The following CSMD1 variants were observed in gnomAD, a reference collection of about 807,000 sequenced individuals.
The protein encoded by CSMD1 is CUB and Sushi multiple domains 1, also known as CUB and sushi domain-containing protein 1.
A neutral mutation model predicts 417.5 loss-of-function variants in CSMD1; 213 were observed. That is an observed-to-expected ratio of 0.51 (90% CI 0.46 to 0.57). The LOEUF (loss-of-function observed/expected upper bound fraction) is 0.57. CSMD1 is among the 20% of genes least tolerant of loss of function. The probability of loss-of-function intolerance (pLI) is 0.00; values close to 1 mark genes in which losing one functional copy is unlikely to be tolerated. For missense variants in CSMD1, 6,923 were observed against 4,529.7 expected, an observed-to-expected ratio of 1.53 and a Z score of -15.17; for synonymous variants, 2,862 against 1,736.8, an observed-to-expected ratio of 1.65 and a Z score of -16.11.
At chr8:3,823,089 T>C (rs1195258140) in intron 5 of CSMD1, among the ~76,000 whole-genome samples, 3 of 152,192 alleles carry the variant, frequency 2.0e-5, no homozygotes, top group Non-Finnish European at 4.4e-5. Context: ...ATAAATTACC[T>C]GGGATCTCAT....
chr8:3,533,452 T>C (rs1798063008), intron 10 of CSMD1, among the ~76,000 whole-genome samples: 1 of 152,198 alleles, frequency 6.6e-6, no homozygotes, highest in Non-Finnish European at 1.5e-5. Context: ...TTAACTCCTT[T>C]AGATTCCTCA....
chr8:3,158,045 A>C, intron 38 of CSMD1, 79 bp from the exon 39 acceptor site: 1 of 1,142,518 alleles, frequency 8.8e-7, no homozygotes, highest in East Asian at 2.6e-5. Flanking sequence ...GAATATCTGC[A>C]TTTTTTCCTT....
intron 1 of CSMD1, among the ~76,000 whole-genome samples, chr8:4,964,935 T>C (rs1215639739): frequency 1.3e-5 from 2 of 152,166 alleles, no homozygotes; most frequent in East Asian, 3.8e-4. Flanking sequence ...CTTGGTGAAT[T>C]AACCTTTCTT....
intron 23 of CSMD1, among the ~76,000 whole-genome samples, chr8:3,331,748 C>G (rs1806909333): frequency 6.6e-6 from 1 of 152,172 alleles, no homozygotes; most frequent in African/African-American, 2.4e-5. Flanking sequence ...TGGTATCTGA[C>G]CTTCAGGGCT....
At chr8:3,707,343 C>A (rs1801227056) in intron 7 of CSMD1, among the ~76,000 whole-genome samples, 1 of 152,142 alleles carries the variant, frequency 6.6e-6, no homozygotes, top group Admixed American at 6.5e-5. Context: ...CCATCCCAGC[C>A]CTTCCACTAA....
chr8:4,026,420 G>C (rs1457032216), intron 4 of CSMD1, among the ~76,000 whole-genome samples: 1 of 152,202 alleles, frequency 6.6e-6, no homozygotes, highest in African/African-American at 2.4e-5. Flanking sequence ...GCATAGGAAA[G>C]ACACTTAGCT....
chr8:3,635,671 G>A (rs1417336399), intron 7 of CSMD1, among the ~76,000 whole-genome samples: 1 of 150,738 alleles, frequency 6.6e-6, no homozygotes, highest in South Asian at 2.1e-4. Context: ...TTTTAGTAGA[G>A]ACGGGGATTC....
intron 3 of CSMD1, among the ~76,000 whole-genome samples, chr8:4,398,470 T>C (rs1226207333): frequency 1.4e-5 from 2 of 140,418 alleles, no homozygotes; most frequent in Non-Finnish European, 3.0e-5. Context: ...CTCGGCTCAC[T>C]GCAACCTCCT....
chr8:4,507,349 T>C (rs980271791), intron 2 of CSMD1, among the ~76,000 whole-genome samples: 1 of 152,178 alleles, frequency 6.6e-6, no homozygotes, highest in Admixed American at 6.5e-5. Flanking sequence ...CCCTAATCTG[T>C]TTACAAGACT....
intron 3 of CSMD1, among the ~76,000 whole-genome samples, chr8:4,118,840 C>T (rs952366013): frequency 1.3e-5 from 2 of 152,186 alleles, no homozygotes; most frequent in African/African-American, 4.8e-5. Flanking sequence ...TTGGAACCAA[C>T]CCAAATGCTC....
chr8:3,182,451 G>A (rs938917169), intron 36 of CSMD1, among the ~76,000 whole-genome samples: 10 of 152,102 alleles, frequency 6.6e-5, no homozygotes, highest in Non-Finnish European at 1.3e-4. Context: ...CTGACCTCAA[G>A]TGATCTGCTT....
intron 1 of CSMD1, among the ~76,000 whole-genome samples, chr8:4,799,846 G>A (rs771400541): frequency 6.6e-6 from 1 of 151,870 alleles, no homozygotes; most frequent in South Asian, 2.1e-4. Context: ...TCCAGCATTA[G>A]AAACTTTAAC....
chr8:3,407,498 T>C (rs927558958), intron 14 of CSMD1, among the ~76,000 whole-genome samples: 3 of 151,452 alleles, frequency 2.0e-5, no homozygotes, highest in East Asian at 3.9e-4. Flanking sequence ...GATGAAATGA[T>C]GGATGGATGA....
chr8:4,465,881 G>C (rs1310099631), intron 2 of CSMD1, among the ~76,000 whole-genome samples: 1 of 152,154 alleles, frequency 6.6e-6, no homozygotes. Context: ...ATCTGGAAGT[G>C]GCTGACTCAC....
chr8:4,976,383 T>G (rs1301646306), intron 1 of CSMD1, among the ~76,000 whole-genome samples: 1 of 152,218 alleles, frequency 6.6e-6, no homozygotes, highest in African/African-American at 2.4e-5. Context: ...ATTTACATAC[T>G]ACATTAAATT....
At chr8:3,407,609 G>T (rs897468054) in intron 14 of CSMD1, among the ~76,000 whole-genome samples, 1 of 152,112 alleles carries the variant, frequency 6.6e-6, no homozygotes, top group African/African-American at 2.4e-5. Flanking sequence ...ATGGATGAAT[G>T]GATGGATGGA....
intron 3 of CSMD1, among the ~76,000 whole-genome samples, chr8:4,092,661 A>T (rs1800782434): frequency 1.3e-5 from 2 of 152,208 alleles, no homozygotes; most frequent in Non-Finnish European, 1.5e-5. Context: ...TTCCAAACAG[A>T]ATTCAGTAGG....
At chr8:4,063,095 G>A (rs868799741) in intron 3 of CSMD1, among the ~76,000 whole-genome samples, 5 of 152,100 alleles carry the variant, frequency 3.3e-5, no homozygotes, top group African/African-American at 9.7e-5. Flanking sequence ...ATGTTTGATA[G>A]CACTGTAAGT....
chr8:3,709,238 T>A (rs1323867335), intron 6 of CSMD1, among the ~76,000 whole-genome samples: 1 of 151,470 alleles, frequency 6.6e-6, no homozygotes, highest in Non-Finnish European at 1.5e-5. Flanking sequence ...TCTTCTAAGC[T>A]ATCCCACACT....
Sources: allele counts gnomAD v4.1 joint callset (sites outside exome capture counted in the v4.1 genomes callset), GRCh38; gene constraint gnomAD v4.1.1; transcripts MANE v1.5; gene names NCBI Gene and HGNC (gene_info 2026-07-23, HGNC 2026-07-21).